Variants in CGNL1 observed in about 807,000 individuals in gnomAD.
CGNL1 encodes cingulin like 1.
A neutral mutation model predicts 141.2 loss-of-function variants in CGNL1; 132 were observed. The ratio of observed to expected loss-of-function variants is 0.93; its 90% CI spans 0.81 to 1.08. The LOEUF is 1.08. Ranked by LOEUF, CGNL1 falls within the 50% of genes least tolerant of loss-of-function variation. The probability of loss-of-function intolerance (pLI) is 0.00; values close to 1 mark genes in which losing one functional copy is unlikely to be tolerated. For synonymous variants in CGNL1, 690 were observed against 622.1 expected, an observed-to-expected ratio of 1.11 and a Z score of -1.63; for missense variants, 1,870 against 1,588.6, an observed-to-expected ratio of 1.18 and a Z score of -3.01.
chr15:57,445,918 A>G (rs1595712979), intron 4 of CGNL1, among the ~76,000 whole-genome samples: 1 of 152,338 alleles, frequency 6.6e-6, no homozygotes, highest in Non-Finnish European at 1.5e-5. Context: ...CAGAGAGATA[A>G]TATTTTGTAA....
chr15:57,529,600 ACACACACACG>A (rs751032349), intron 13 of CGNL1, among the ~76,000 whole-genome samples: 1 of 120,748 alleles, frequency 8.3e-6, no homozygotes, highest in South Asian at 2.7e-4. Flanking sequence ...ACACACACAC[ACACACACACG>A]CCCCAGTAGA....
At position 57,498,760 on chromosome 15, in the gene CGNL1, T is replaced by C. The variant is rs115888012; in HGVS notation, c.2404-18020T>C. On this transcript the variant is annotated intron_variant, in intron 8 of 18. Coordinates refer to ENST00000281282, the MANE Select transcript of CGNL1 (RefSeq NM_032866.5). ...GACCATTTCCTTGAGGAGGTGAGGA[T>C]TGGTAGAGAGGAGGCAGAGTCTTCA... Among the ~76,000 whole-genome samples, 1,214 of 151,876 alleles carry C rather than the reference T, an allele frequency of 8.0e-3. 15 individuals are homozygous for C. Among genetic ancestry groups the C allele is most frequent in the African/African-American group, 0.028 (1,173 of 41,406 alleles).
intron 4 of CGNL1, among the ~76,000 whole-genome samples, chr15:57,443,402 C>G (rs990827109): frequency 1.1e-4 from 17 of 152,232 alleles, no homozygotes; most frequent in African/African-American, 3.1e-4. Context: ...TCATTTCTTG[C>G]TTGTCCATCT....
intron 9 of CGNL1, 44 bp downstream of exon 9, chr15:57,517,030 C>G: frequency 6.4e-7 from 1 of 1,559,724 alleles, no homozygotes; most frequent in Non-Finnish European, 8.8e-7. Context: ...AGCTGCTGCT[C>G]CTTCTTTCCT....
intron 1 of CGNL1, among the ~76,000 whole-genome samples, chr15:57,410,187 A>T (rs1398178033): frequency 6.6e-6 from 1 of 152,060 alleles, no homozygotes; most frequent in Non-Finnish European, 1.5e-5. Flanking sequence ...AGTGAGACAG[A>T]CTCCGTCAGG....
At position 57,528,676 on chromosome 15, in the gene CGNL1, T is replaced by A; in HGVS notation, c.3062T>A (p.Leu1021Ter). 1 of 1,614,160 alleles carries A rather than the reference T, an allele frequency of 6.2e-7. No individual in the cohort carries two copies. The highest frequency in any genetic ancestry group is 8.5e-7 in the Non-Finnish European group (1 of 1,180,006). The change falls in exon 13 of 19, where the codon TTA becomes TAA. Residue 1021 changes from leucine to a stop codon, truncating the protein, a stop_gained. Transcript: ENST00000281282. LOFTEE classifies it high-confidence loss of function. ...TAGATGCGTCTGATGGAGGAAGAGT[T>A]ACGGGACTACCAGAGAGCTCAGGAT... ...QDEMRLMEEELRDYQRAQDEA... is the reference protein window; with the variant it reads ...QDEMRLMEEE
intron 8 of CGNL1, among the ~76,000 whole-genome samples, chr15:57,468,200 CT>C (rs1403552611): frequency 6.8e-6 from 1 of 147,694 alleles, no homozygotes; most frequent in East Asian, 2.0e-4. Context: ...TTTTTTCTTC[CT>C]TTTTTTCTTT....
At chr15:57,503,896 C>T (rs753957997) in intron 8 of CGNL1, among the ~76,000 whole-genome samples, 2 of 152,118 alleles carry the variant, frequency 1.3e-5, no homozygotes, top group Non-Finnish European at 2.9e-5. Flanking sequence ...TCCCACAACA[C>T]GTGGGGATTC....
intron 7 of CGNL1, among the ~76,000 whole-genome samples, chr15:57,456,688 C>G (rs1293710515): frequency 6.6e-6 from 1 of 151,902 alleles, no homozygotes; most frequent in Non-Finnish European, 1.5e-5. Flanking sequence ...CACCACTTCT[C>G]TGTCAGGAAT....
chr15:57,423,249 T>C (rs1411881073), intron 1 of CGNL1, among the ~76,000 whole-genome samples: 1 of 152,102 alleles, frequency 6.6e-6, no homozygotes, highest in Admixed American at 6.5e-5. Context: ...AAAAAAGTAA[T>C]AGTCCATAAA....
At chr15:57,546,663 C>A (rs747173468) in intron 18 of CGNL1, among the ~76,000 whole-genome samples, 10 of 152,196 alleles carry the variant, frequency 6.6e-5, no homozygotes, top group African/African-American at 9.7e-5. Flanking sequence ...CAGGAGAGAG[C>A]AGCTCTCTGA....
intron 14 of CGNL1, among the ~76,000 whole-genome samples, chr15:57,543,101 G>C (rs1022132081): frequency 6.6e-6 from 1 of 152,254 alleles, no homozygotes; most frequent in East Asian, 1.9e-4. Flanking sequence ...AGTGTTACCA[G>C]GGCCATGCTG....
At chr15:57,499,917 G>C (rs2063998151) in intron 8 of CGNL1, among the ~76,000 whole-genome samples, 1 of 152,190 alleles carries the variant, frequency 6.6e-6, no homozygotes, top group Non-Finnish European at 1.5e-5. Context: ...GCCAGGCTGA[G>C]GGGAGTTTGG....
intron 8 of CGNL1, among the ~76,000 whole-genome samples, chr15:57,487,569 A>C (rs1475498940): frequency 6.6e-6 from 1 of 152,244 alleles, no homozygotes; most frequent in South Asian, 2.1e-4. Flanking sequence ...ATGAATCTAT[A>C]TACTCAGATT....
chr15:57,435,502 TA>T (rs1353945794), intron 1 of CGNL1, among the ~76,000 whole-genome samples: 1 of 151,600 alleles, frequency 6.6e-6, no homozygotes, highest in East Asian at 1.9e-4. Flanking sequence ...TTACTTTGAT[TA>T]AAAAATAAAT....
At chr15:57,450,946 A>G (rs189290255) in intron 4 of CGNL1, among the ~76,000 whole-genome samples, 208 of 152,254 alleles carry the variant, frequency 1.4e-3, no homozygotes, top group African/African-American at 4.9e-3. Context: ...AAAGTTCATA[A>G]TCTCCTGATG....
intron 18 of CGNL1, 105 bp from the exon 19 acceptor site, chr15:57,547,250 C>G (rs549850459): frequency 1.9e-4 from 247 of 1,284,800 alleles, no homozygotes; most frequent in Non-Finnish European, 2.4e-4. Context: ...TTCTGTGCCA[C>G]TCAGTGGGGT....
chr15:57,442,315 A>T, intron 3 of CGNL1, 58 bp from the exon 4 acceptor site: 1 of 1,060,708 alleles, frequency 9.4e-7, no homozygotes, highest in Non-Finnish European at 1.5e-6. Flanking sequence ...TGACATATAA[A>T]TTGTTCTGAG....
chr15:57,437,935 G>T (rs1254280075), intron 1 of CGNL1, 50 bp from the exon 2 acceptor site: 2 of 1,446,630 alleles, frequency 1.4e-6, no homozygotes, highest in Non-Finnish European at 1.9e-6. Context: ...CATTTAAACA[G>T]ATGTAATTCT....
Sources: gnomAD v4.1 joint callset for allele counts (sites outside exome capture counted in the v4.1 genomes callset) on GRCh38, gnomAD v4.1.1 for gene constraint, MANE v1.5 for transcripts, NCBI Gene and HGNC (gene_info 2026-07-23, HGNC 2026-07-21) for gene names.